The following CNTNAP5 variants were observed in gnomAD, a reference collection of about 807,000 sequenced individuals.
CNTNAP5 encodes contactin associated protein family member 5, also known as contactin-associated protein-like 5.
Under a neutral mutation model 150.2 loss-of-function variants are expected in CNTNAP5, and 72 were observed. The ratio of observed to expected loss-of-function variants is 0.48; its 90% CI spans 0.40 to 0.58. The LOEUF is 0.58. CNTNAP5 is among the 20% of genes least tolerant of loss of function. The pLI is 0.00. For missense variants in CNTNAP5, 1,636 were observed against 1,626.2 expected, an observed-to-expected ratio of 1.01 and a Z score of -0.10; for synonymous variants, 672 against 619.8, an observed-to-expected ratio of 1.08 and a Z score of -1.25.
intron 14 of CNTNAP5, among the ~76,000 whole-genome samples, chr2:124,753,354 A>G (rs766575282): frequency 6.6e-6 from 1 of 152,224 alleles, no homozygotes; most frequent in Non-Finnish European, 1.5e-5. Flanking sequence ...TGCTAAATTC[A>G]TGAATGAATG....
At chr2:124,369,598 T>G (rs1690466601) in intron 3 of CNTNAP5, among the ~76,000 whole-genome samples, 1 of 152,170 alleles carries the variant, frequency 6.6e-6, no homozygotes, top group African/African-American at 2.4e-5. Context: ...ATTTTAGTGT[T>G]ATAACCTGTC....
intron 3 of CNTNAP5, among the ~76,000 whole-genome samples, chr2:124,397,119 G>C (rs909100874): frequency 6.6e-6 from 1 of 152,208 alleles, no homozygotes; most frequent in Non-Finnish European, 1.5e-5. Context: ...GGAGAGGCCA[G>C]AGAATTTCTT....
rs60339676 is a variant in CNTNAP5 at position 124,828,735 on chromosome 2, C to CAAAAAAAAAA, written c.3217+30443_3217+30452dup. Reference sequence around the variant, plus strand: ...CCTTGCAGACCAATGCAAGTGTTGGCAAAAAAAAAAAAAAAAAAAAAAAAA... The same window carrying CAAAAAAAAAA: ...CCTTGCAGACCAATGCAAGTGTTGGCAAAAAAAAAAAAAAAAAAAAAAAAAAAAAAAAAAA... On this transcript the variant is annotated intron_variant, in intron 19 of 23. Transcript: ENST00000682447. 6.9e-4 allele frequency among the ~76,000 whole-genome samples: 16 copies of CAAAAAAAAAA among 23,110 alleles called. 2 individuals carry two copies. The highest frequency in any genetic ancestry group is 7.5e-4 in the Admixed American group (1 of 1,342). The allele number at this position is 23,110 out of a possible 152,430, so 15.2% of individuals were successfully genotyped here.
At chr2:124,448,367 T>C (rs943324975) in intron 6 of CNTNAP5, among the ~76,000 whole-genome samples, 2 of 152,060 alleles carry the variant, frequency 1.3e-5, no homozygotes, top group African/African-American at 4.8e-5. Flanking sequence ...TATTTCACTA[T>C]ATTATATCGA....
chr2:124,317,467 C>T (rs1451514298), intron 3 of CNTNAP5, among the ~76,000 whole-genome samples: 1 of 152,114 alleles, frequency 6.6e-6, no homozygotes, highest in Non-Finnish European at 1.5e-5. Flanking sequence ...CCAGTGCTCA[C>T]AAAGGCTGCC....
intron 10 of CNTNAP5, among the ~76,000 whole-genome samples, chr2:124,545,323 T>C (rs1441776702): frequency 2.6e-5 from 4 of 152,038 alleles, no homozygotes; most frequent in Admixed American, 6.6e-5. Context: ...CAACAAAACA[T>C]GTGAGTTCGT....
chr2:124,681,042 TG>T (rs763462728), intron 13 of CNTNAP5: 5 of 151,596 alleles, frequency 3.3e-5, no homozygotes, highest in Non-Finnish European at 5.9e-5. Flanking sequence ...CCCAGCACTT[TG>T]GGAGGTCGAG....
At chr2:124,045,354 A>G (rs1404089155) in intron 1 of CNTNAP5, among the ~76,000 whole-genome samples, 5 of 150,074 alleles carry the variant, frequency 3.3e-5, no homozygotes, top group African/African-American at 1.2e-4. Context: ...GCTGGAGAGC[A>G]ATGGTGCAAT....
intron 1 of CNTNAP5, among the ~76,000 whole-genome samples, chr2:124,163,306 T>A (rs1030845630): frequency 2.0e-5 from 3 of 152,162 alleles, no homozygotes; most frequent in Non-Finnish European, 4.4e-5. Context: ...GGTGACATGC[T>A]GCCTCCAGCC....
rs1023098750 is a variant in CNTNAP5 at position 124,763,593 on chromosome 2, T to A, written c.2235-79T>A. On this transcript the variant is annotated intron_variant, in intron 14 of 23. Coordinates refer to ENST00000682447, the MANE Select transcript of CNTNAP5 (RefSeq NM_001367498.1). ...CTGCTGCAACTGGCCAAATCACTTC[T>A]GAAAAGAGGGGTCATGGAAAAGAGT... is the stretch of plus-strand genomic sequence containing the variant. 10 of 1,440,216 alleles carry A rather than the reference T, an allele frequency of 6.9e-6. No homozygotes were observed. The Admixed American group carries it at 1.2e-4, about 18-fold the overall frequency. The allele number at this position is 1,440,216 out of a possible 1,614,324, so 89.2% of individuals were successfully genotyped here.
chr2:124,446,777 G>T lies in CNTNAP5; in HGVS notation c.758G>T (p.Ser253Ile), dbSNP rs1479439585. Residue 253 changes from serine (S) to isoleucine (I), a missense_variant, in exon 6 of 24, where the codon AGC becomes ATC. Transcript: ENST00000682447. ...NLGDSKARLS[S>I]SLPSATLGSL... ...GGTGACAGCAAAGCGCGGCTCAGCA[G>T]CAGCTTGCCCTCTGCCACCCTGGGC... 6.2e-7 allele frequency: 1 copy of T among 1,613,746 alleles called. No homozygotes were observed. Among genetic ancestry groups the T allele is most frequent in the Non-Finnish European group, 8.5e-7 (1 of 1,179,780 alleles).
chr2:124,315,980 C>T (rs550092544), intron 3 of CNTNAP5, among the ~76,000 whole-genome samples: 5 of 152,188 alleles, frequency 3.3e-5, no homozygotes, highest in Admixed American at 6.5e-5. Flanking sequence ...CTGCAACTCC[C>T]GATACCAGCC....
chr2:124,116,983 G>T (rs1011949614), intron 1 of CNTNAP5, among the ~76,000 whole-genome samples: 2 of 152,268 alleles, frequency 1.3e-5, no homozygotes, highest in South Asian at 2.1e-4. Context: ...TGGGTCCTTG[G>T]CATGTTTTGC....
intron 6 of CNTNAP5, among the ~76,000 whole-genome samples, chr2:124,459,241 G>A (rs561158163): frequency 2.4e-3 from 360 of 152,268 alleles, no homozygotes; most frequent in Non-Finnish European, 3.4e-3. Flanking sequence ...GGCTTGCACC[G>A]CAGCTGATCT....
intron 21 of CNTNAP5, 88 bp downstream of exon 21, chr2:124,869,850 T>C: frequency 2.6e-6 from 2 of 769,824 alleles, no homozygotes; most frequent in Non-Finnish European, 4.3e-6. Flanking sequence ...AGGATTCAGG[T>C]CTGGAGCCTT....
At chr2:124,395,375 C>T (rs982915614) in intron 3 of CNTNAP5, among the ~76,000 whole-genome samples, 11 of 152,156 alleles carry the variant, frequency 7.2e-5, no homozygotes, top group Admixed American at 5.9e-4. Flanking sequence ...GGGCAACTTA[C>T]TGACTTGTAG....
chr2:124,509,010 T>G (rs1180642282), intron 8 of CNTNAP5, among the ~76,000 whole-genome samples: 4 of 152,204 alleles, frequency 2.6e-5, no homozygotes, highest in Non-Finnish European at 4.4e-5. Flanking sequence ...GGGGCTATAC[T>G]TGATGCTTGG....
At chr2:124,614,650 G>T (rs1226569478) in intron 12 of CNTNAP5, among the ~76,000 whole-genome samples, 2 of 152,064 alleles carry the variant, frequency 1.3e-5, no homozygotes, top group African/African-American at 4.8e-5. Context: ...GCATGCTGAG[G>T]CTATTATTAT....
At chr2:124,764,228 G>T (rs1199667766) in intron 16 of CNTNAP5, 81 bp downstream of exon 16, 1 of 1,090,594 alleles carries the variant, frequency 9.2e-7, no homozygotes. Flanking sequence ...GTCACTAGTG[G>T]GCATTTGTAC....
Sources: gnomAD v4.1 joint callset for allele counts (sites outside exome capture counted in the v4.1 genomes callset) on GRCh38, gnomAD v4.1.1 for gene constraint, MANE v1.5 for transcripts, NCBI Gene and HGNC (gene_info 2026-07-23, HGNC 2026-07-21) for gene names.